Variants in PCDH9 observed in about 807,000 individuals in gnomAD.
The protein encoded by PCDH9 is protocadherin 9, also known as protocadherin-9.
PCDH9 carries 24 observed loss-of-function variants against 70.6 expected under a neutral mutation model. The observed-to-expected ratio is 0.34, with a 90% confidence interval of 0.25 to 0.48. The LOEUF (loss-of-function observed/expected upper bound fraction) is 0.48, where lower values mean the gene tolerates loss of function less well. Ranked by LOEUF, PCDH9 falls within the 20% of genes least tolerant of loss-of-function variation. PCDH9 has a pLI of 0.99. For missense variants in PCDH9, 1,281 were observed against 1,503.6 expected (o/e 0.85, Z 2.45); for synonymous variants, 562 against 558.5 (o/e 1.01, Z -0.09).
chr13:67,133,173 A>T (rs1327941635), intron 2 of PCDH9, among the ~76,000 whole-genome samples: 2 of 152,072 alleles, frequency 1.3e-5, no homozygotes, highest in Non-Finnish European at 2.9e-5. Flanking sequence ...ATAAAATATA[A>T]AATAAATTTG....
intron 4 of PCDH9, among the ~76,000 whole-genome samples, chr13:66,371,244 C>T (rs574834381): frequency 1.3e-5 from 2 of 152,064 alleles, no homozygotes; most frequent in South Asian, 4.1e-4. Flanking sequence ...AATAGCATCT[C>T]CCAGAAAAAA....
At chr13:66,712,146 G>A (rs79141140) in intron 3 of PCDH9, among the ~76,000 whole-genome samples, 291 of 152,230 alleles carry the variant, frequency 1.9e-3, no homozygotes, top group African/African-American at 6.8e-3. Flanking sequence ...TTGAACTTCT[G>A]AACAAATTTT....
intron 4 of PCDH9, among the ~76,000 whole-genome samples, chr13:66,463,762 A>G (rs1300246591): frequency 6.6e-6 from 1 of 151,774 alleles, no homozygotes; most frequent in Non-Finnish European, 1.5e-5. Flanking sequence ...GTGCTCAGAC[A>G]CAGAAATATC....
At chr13:66,540,365 A>C (rs1211757443) in intron 4 of PCDH9, among the ~76,000 whole-genome samples, 1 of 152,182 alleles carries the variant, frequency 6.6e-6, no homozygotes, top group Non-Finnish European at 1.5e-5. Context: ...AGTAATTTTA[A>C]CAGGAAATTA....
chr13:66,656,362 AGAGTT>A (rs2077929533), intron 3 of PCDH9, among the ~76,000 whole-genome samples: 1 of 152,218 alleles, frequency 6.6e-6, no homozygotes, highest in Non-Finnish European at 1.5e-5. Context: ...CATATTCAGT[AGAGTT>A]AAGACACCAT....
intron 3 of PCDH9, among the ~76,000 whole-genome samples, chr13:66,654,113 A>T (rs1211922093): frequency 1.3e-5 from 2 of 152,218 alleles, no homozygotes; most frequent in African/African-American, 2.4e-5. Flanking sequence ...GTACATAAAC[A>T]CAATGGAATA....
chr13:66,893,513 T>G (rs534499295), intron 3 of PCDH9, among the ~76,000 whole-genome samples: 3 of 152,272 alleles, frequency 2.0e-5, no homozygotes, highest in South Asian at 4.1e-4. Flanking sequence ...CCATAGGAGA[T>G]TTTACCTTTA....
At chr13:66,681,275 T>G (rs2078315451) in intron 3 of PCDH9, among the ~76,000 whole-genome samples, 1 of 152,150 alleles carries the variant, frequency 6.6e-6, no homozygotes, top group African/African-American at 2.4e-5. Flanking sequence ...CCAGTTTTCA[T>G]TTTAAACAAC....
At chr13:66,727,873 A>ACT (rs1410023729) in intron 3 of PCDH9, among the ~76,000 whole-genome samples, 4 of 152,142 alleles carry the variant, frequency 2.6e-5, no homozygotes, top group Non-Finnish European at 5.9e-5. Flanking sequence ...GGCATACGTA[A>ACT]ACTTAGAGAC....
intron 2 of PCDH9, among the ~76,000 whole-genome samples, chr13:67,056,683 T>C (rs1051851330): frequency 3.3e-5 from 5 of 152,050 alleles, no homozygotes; most frequent in African/African-American, 1.2e-4. Flanking sequence ...CTCTGCAAAG[T>C]GAGGATAAAA....
intron 2 of PCDH9, among the ~76,000 whole-genome samples, chr13:67,053,881 C>T (rs1488522459): frequency 1.3e-5 from 2 of 152,164 alleles, no homozygotes; most frequent in Non-Finnish European, 2.9e-5. Context: ...CAATTTATAA[C>T]AATTAACTCA....
intron 4 of PCDH9, among the ~76,000 whole-genome samples, chr13:66,383,885 A>G (rs1956886631): frequency 6.6e-6 from 1 of 152,194 alleles, no homozygotes; most frequent in East Asian, 1.9e-4. Flanking sequence ...TTATGATAAT[A>G]GGTGATTCGT....
At chr13:66,633,953 G>A (rs1352181705) in intron 3 of PCDH9, among the ~76,000 whole-genome samples, 1 of 151,944 alleles carries the variant, frequency 6.6e-6, no homozygotes. Flanking sequence ...TATATACCTG[G>A]TACAATGATT....
intron 3 of PCDH9, among the ~76,000 whole-genome samples, chr13:66,760,147 C>T (rs953578860): frequency 6.6e-6 from 1 of 151,960 alleles, no homozygotes; most frequent in Non-Finnish European, 1.5e-5. Context: ...TTTTTTTCCC[C>T]CTTCAGCAGT....
chr13:66,702,889 A>G (rs372939433), intron 3 of PCDH9, among the ~76,000 whole-genome samples: 1 of 152,330 alleles, frequency 6.6e-6, no homozygotes, highest in African/African-American at 2.4e-5. Flanking sequence ...TTCCATCTCC[A>G]ATTTCACCAC....
intron 4 of PCDH9, among the ~76,000 whole-genome samples, chr13:66,309,101 T>A (rs929990221): frequency 3.9e-5 from 6 of 152,090 alleles, no homozygotes; most frequent in Non-Finnish European, 7.4e-5. Flanking sequence ...CGGTAAGTTT[T>A]TATTTTGGGA....
chr13:66,657,468 C>T (rs751319012), intron 3 of PCDH9, among the ~76,000 whole-genome samples: 2 of 152,164 alleles, frequency 1.3e-5, no homozygotes, highest in Non-Finnish European at 2.9e-5. Context: ...AGGCAAAGAG[C>T]TCCTGGTTGC....
chr13:67,017,969 C>G (rs972139403), intron 2 of PCDH9, among the ~76,000 whole-genome samples: 1 of 152,158 alleles, frequency 6.6e-6, no homozygotes, highest in African/African-American at 2.4e-5. Flanking sequence ...CTCAGCTGGA[C>G]TTAAGAACAA....
At chr13:66,790,865 T>C (rs1273137258) in intron 3 of PCDH9, among the ~76,000 whole-genome samples, 1 of 152,152 alleles carries the variant, frequency 6.6e-6, no homozygotes, top group South Asian at 2.1e-4. Context: ...TAATCACCTA[T>C]ACTGTTTTTA....
Sources: allele counts gnomAD v4.1 joint callset (sites outside exome capture counted in the v4.1 genomes callset), GRCh38; gene constraint gnomAD v4.1.1; transcripts MANE v1.5; gene names NCBI Gene and HGNC (gene_info 2026-07-23, HGNC 2026-07-21).